Variants in CAV1 observed in about 807,000 individuals in gnomAD.
The protein encoded by CAV1 is caveolin-1.
A neutral mutation model predicts 16.5 loss-of-function variants in CAV1; 10 were observed. That is an observed-to-expected ratio of 0.61 (90% CI 0.37 to 1.03). The LOEUF is 1.03. CAV1 is among the 50% of genes least tolerant of loss of function. The probability of loss-of-function intolerance (pLI) is 0.01; values close to 1 mark genes in which losing one functional copy is unlikely to be tolerated. For missense variants in CAV1, 212 were observed against 232.8 expected, an observed-to-expected ratio of 0.91 and a Z score of 0.58; for synonymous variants, 76 against 85.1, an observed-to-expected ratio of 0.89 and a Z score of 0.59.
chr7:116,541,452 TA>T (rs1400821261), intron 2 of CAV1, among the ~76,000 whole-genome samples: 1 of 152,090 alleles, frequency 6.6e-6, no homozygotes, highest in Non-Finnish European at 1.5e-5. Flanking sequence ...GCTTTTTATT[TA>T]AAAAAGTGTT....
chr7:116,559,569 A>C lies in CAV1; in HGVS notation c.*282A>C. ...TCGCTTTATTGGCTGAGATATGAAC[A>C]TATTGTTGAAAGGTAATTTGAGAGA... On this transcript the variant is annotated 3_prime_UTR_variant, in exon 3 of 3. Transcript: ENST00000341049. 1.9e-6 allele frequency: 1 copy of C among 534,986 alleles called. No individual in the cohort carries two copies. The allele number at this position is 534,986 out of a possible 1,614,324, so 33.1% of individuals were successfully genotyped here.
At chr7:116,544,527 G>A (rs1426581747) in intron 2 of CAV1, among the ~76,000 whole-genome samples, 1 of 152,042 alleles carries the variant, frequency 6.6e-6, no homozygotes, top group African/African-American at 2.4e-5. Flanking sequence ...ATAAATAAAA[G>A]GTCCAGGTGA....
intron 2 of CAV1, among the ~76,000 whole-genome samples, chr7:116,555,590 A>AAG (rs1296400677): frequency 1.0e-5 from 1 of 99,106 alleles, no homozygotes; most frequent in African/African-American, 4.1e-5. Flanking sequence ...GAAAGAAAGA[A>AAG]AGAAAGAAAG....
At chr7:116,546,697 C>CAAAAAAAAAAAA (rs5886830) in intron 2 of CAV1, among the ~76,000 whole-genome samples, 9 of 88,378 alleles carry the variant, frequency 1.0e-4, no homozygotes, top group Admixed American at 6.7e-4. Flanking sequence ...GACTCTGTCA[C>CAAAAAAAAAAAA]AAAAAAAAAA....
intron 2 of CAV1, among the ~76,000 whole-genome samples, chr7:116,554,287 G>A (rs1364097819): frequency 6.6e-6 from 1 of 151,968 alleles, no homozygotes. Context: ...ATTCCTTCCT[G>A]TTTTTTTCAC....
At chr7:116,526,009 G>GGGC (rs1793549993) in intron 1 of CAV1, 1 of 232,756 alleles carries the variant, frequency 4.3e-6, no homozygotes, top group African/African-American at 2.3e-5. Context: ...TCCACGGGTC[G>GGGC]GGCGGCTGCT....
intron 1 of CAV1, chr7:116,525,897 A>G (rs1488931445): frequency 3.4e-5 from 32 of 943,146 alleles, no homozygotes; most frequent in Non-Finnish European, 3.8e-5. Flanking sequence ...CGGCGGATTG[A>G]GCAGGGAGAG....
chr7:116,525,352 T>C, intron 1 of CAV1: 1 of 1,541,502 alleles, frequency 6.5e-7, no homozygotes, highest in Non-Finnish European at 8.8e-7. Context: ...ATTGGGGTCC[T>C]GAGATTGGGT....
At position 116,560,867 on chromosome 7, in the gene CAV1, C is replaced by G. The variant is rs1285804031; in HGVS notation, c.*1580C>G. 1 of 152,524 alleles carries G rather than the reference C, an allele frequency of 6.6e-6. No individual in the cohort carries two copies. The highest frequency in any genetic ancestry group is 1.5e-5 in the Non-Finnish European group (1 of 68,032). 9.4% of individuals were successfully genotyped at this position (152,524 alleles called of 1,614,324 possible). ...TTTTTGCATTTAAAACAGACACTGG[C>G]ATGGATATAGTTTTACTTTTAAACT... On this transcript the variant is annotated 3_prime_UTR_variant, in exon 3 of 3. Coordinates refer to ENST00000341049, the MANE Select transcript of CAV1 (RefSeq NM_001753.5).
chr7:116,532,603 C>T (rs1793708271), intron 2 of CAV1, among the ~76,000 whole-genome samples: 2 of 152,122 alleles, frequency 1.3e-5, no homozygotes. Flanking sequence ...AAAAGATTTG[C>T]AAACTATACT....
At chr7:116,552,138 ACAAGGGAATGAACACCAGCAGACAGGGT>A (rs1794177490) in intron 2 of CAV1, among the ~76,000 whole-genome samples, 2 of 152,228 alleles carry the variant, frequency 1.3e-5, no homozygotes. Flanking sequence ...ATGGCATTAC[ACAAGGGAATGAACACCAGCAGACAGGGT>A]CATTGAAAGC....
chr7:116,555,370 TC>T (rs2116085611), intron 2 of CAV1, among the ~76,000 whole-genome samples: 1 of 148,846 alleles, frequency 6.7e-6, no homozygotes, highest in Non-Finnish European at 1.5e-5. Flanking sequence ...GCCCAGGAGG[TC>T]AAGGCTGCAG....
At chr7:116,535,941 T>C (rs1388298609) in intron 2 of CAV1, among the ~76,000 whole-genome samples, 1 of 152,156 alleles carries the variant, frequency 6.6e-6, no homozygotes, top group Non-Finnish European at 1.5e-5. Context: ...TAATATTCTA[T>C]CTCATAGCAA....
chr7:116,544,901 G>T (rs1400378422), intron 2 of CAV1, among the ~76,000 whole-genome samples: 1 of 152,088 alleles, frequency 6.6e-6, no homozygotes, highest in African/African-American at 2.4e-5. Context: ...CCCCTTTTCA[G>T]TTACCCATGG....
chr7:116,541,916 T>TTA (rs1340190065), intron 2 of CAV1, among the ~76,000 whole-genome samples: 3 of 152,202 alleles, frequency 2.0e-5, no homozygotes, highest in Non-Finnish European at 4.4e-5. Flanking sequence ...GCCTCTACAG[T>TTA]TATAGTTTAA....
chr7:116,549,333 C>A (rs1794113305), intron 2 of CAV1, among the ~76,000 whole-genome samples: 1 of 152,264 alleles, frequency 6.6e-6, no homozygotes, highest in East Asian at 1.9e-4. Flanking sequence ...GGGAGAAAAC[C>A]CAAACAAGCA....
At chr7:116,538,865 A>C (rs993559362) in intron 2 of CAV1, among the ~76,000 whole-genome samples, 2 of 152,196 alleles carry the variant, frequency 1.3e-5, no homozygotes, top group Non-Finnish European at 2.9e-5. Flanking sequence ...CAGAATTGAG[A>C]GCCAATCAAA....
intron 2 of CAV1, 37 bp downstream of exon 2, chr7:116,526,726 G>C (rs1042310385): frequency 6.2e-7 from 1 of 1,612,644 alleles, no homozygotes; most frequent in African/African-American, 1.3e-5. Flanking sequence ...GGCTGGGACA[G>C]CTCTCCTCTG....
At chr7:116,535,964 G>A (rs115100448) in intron 2 of CAV1, among the ~76,000 whole-genome samples, 1,616 of 152,204 alleles carry the variant, frequency 0.011, 20 homozygotes, top group African/African-American at 0.03. Flanking sequence ...TAAAGGTGAC[G>A]TTTTAAAAAG....
Sources: allele counts gnomAD v4.1 joint callset (sites outside exome capture counted in the v4.1 genomes callset), GRCh38; gene constraint gnomAD v4.1.1; transcripts MANE v1.5; gene names NCBI Gene and HGNC (gene_info 2026-07-23, HGNC 2026-07-21).